Variants in HGD observed in about 807,000 individuals in gnomAD.
The protein encoded by HGD is homogentisate 1,2-dioxygenase, also known as homogentisate oxidase.
In HGD, 61 loss-of-function variants were observed where a neutral mutation model predicts 60.8. That is an observed-to-expected ratio of 1.00 (90% CI 0.82 to 1.24). HGD has a LOEUF of 1.24. HGD is among the 50% of genes most tolerant of loss of function. The pLI is 0.00. For missense variants in HGD, 542 were observed against 547.1 expected, an observed-to-expected ratio of 0.99 and a Z score of 0.09; for synonymous variants, 212 against 187.7, an observed-to-expected ratio of 1.13 and a Z score of -1.06.
chr3:120,633,086 C>A (rs546904135), intron 13 of HGD, 61 bp downstream of exon 13: 1 of 1,505,822 alleles, frequency 6.6e-7, no homozygotes, highest in Non-Finnish European at 9.2e-7. Flanking sequence ...AAAACGGCCA[C>A]CCCTCTCAGT....
At chr3:120,669,446 T>TGC (rs549495532) in intron 4 of HGD, among the ~76,000 whole-genome samples, 124 of 101,922 alleles carry the variant, frequency 1.2e-3, no homozygotes, top group African/African-American at 4.1e-3. Context: ...TGTGCGCATG[T>TGC]GCACACACAC....
chr3:120,628,804 A>G (rs982569717), intron 13 of HGD, among the ~76,000 whole-genome samples: 3 of 152,200 alleles, frequency 2.0e-5, no homozygotes, highest in Non-Finnish European at 4.4e-5. Context: ...GCTTCAAATT[A>G]TCTTCATGGT....
At chr3:120,678,210 C>T (rs1708168222) in intron 1 of HGD, among the ~76,000 whole-genome samples, 1 of 152,176 alleles carries the variant, frequency 6.6e-6, no homozygotes. Context: ...TCTGATTCTC[C>T]ACTGCATCCA....
chr3:120,647,653 G>A (rs1333530385), intron 7 of HGD, among the ~76,000 whole-genome samples: 1 of 152,204 alleles, frequency 6.6e-6, no homozygotes, highest in Non-Finnish European at 1.5e-5. Context: ...AGGTCCAGAA[G>A]AGATGGGCAA....
Position 120,641,621 on chromosome 3 carries a change from T to G in HGD, c.847A>C (p.Met283Leu). The G allele has an allele frequency of 6.2e-7, 1 of 1,613,798 alleles. No homozygotes were observed. The highest frequency in any genetic ancestry group is 8.5e-7 in the Non-Finnish European group (1 of 1,179,704). Residue 283 changes from methionine (M) to leucine (L), a missense_variant, in exon 11 of 14, where the codon ATG becomes CTG. This residue lies in a region of HGD where 537 missense variants were observed against 529.1 expected (regional missense o/e 1.01). Transcript: ENST00000283871. Reference sequence around the variant, plus strand: ...TCAAAGGCCACTGAGTTGATAACCATGAAATTCTTCAGGTTGTACTTGTAG... The same window carrying G: ...TCAAAGGCCACTGAGTTGATAACCAGGAAATTCTTCAGGTTGTACTTGTAG... The part of the protein sequence containing the change: ...TPYKYNLKNF[M>L]VINSVAFDHA...
Position 120,679,390 on chromosome 3 carries a change from T to C in HGD, c.15+2707A>G, listed in dbSNP as rs904764150. Among the ~76,000 whole-genome samples, 8 of 152,300 alleles carry C rather than the reference T, an allele frequency of 5.3e-5. No homozygotes were observed. The South Asian group carries it at 1.2e-3, about 24-fold the overall frequency. On this transcript the variant is annotated intron_variant, in intron 1 of 13. Transcript: ENST00000283871. ...CTGTGGAAAAAGAGTCTAATATTTC[T>C]AATTAACCTTGATGGGAACATAGAA...
rs2107502799 is a variant in HGD at position 120,641,676 on chromosome 3, A to G, written c.792T>C (p.Asn264=). 6.2e-7 allele frequency: 1 copy of G among 1,613,042 alleles called. No individual in the cohort carries two copies. The highest frequency in any genetic ancestry group is 8.5e-7 in the Non-Finnish European group (1 of 1,178,936). Residue 264 remains asparagine, a synonymous_variant, in exon 11 of 14, where the codon AAT becomes AAC. Transcript: ENST00000283871. ...FAAKQDVSPF[N]VVAWHGNYTP... Reference sequence around the variant, plus strand: ...TATAATTCCCGTGCCAGGCCACAACATTGAACGGGGAGACATCCTAAACAC... The same window carrying G: ...TATAATTCCCGTGCCAGGCCACAACGTTGAACGGGGAGACATCCTAAACAC...
chr3:120,655,693 T>A (rs1344468181), intron 4 of HGD, among the ~76,000 whole-genome samples: 1 of 152,232 alleles, frequency 6.6e-6, no homozygotes, highest in African/African-American at 2.4e-5. Flanking sequence ...TAAAGCCAGC[T>A]GCAGCTTTAT....
intron 3 of HGD, among the ~76,000 whole-genome samples, chr3:120,674,326 A>G (rs1166938751): frequency 6.6e-6 from 1 of 152,230 alleles, no homozygotes; most frequent in Non-Finnish European, 1.5e-5. Context: ...GTAGGATTAG[A>G]GCAAACATGG....
intron 12 of HGD, chr3:120,633,705 T>C: frequency 1.3e-6 from 1 of 776,928 alleles, no homozygotes; most frequent in Non-Finnish European, 1.9e-6. Context: ...TTATCTTATC[T>C]CCCAGATCAT....
At chr3:120,645,255 G>C (rs2107508586) in intron 9 of HGD, among the ~76,000 whole-genome samples, 1 of 152,260 alleles carries the variant, frequency 6.6e-6, no homozygotes, top group African/African-American at 2.4e-5. Flanking sequence ...AAGAGTGGGA[G>C]GTGAACAGGA....
At chr3:120,647,995 T>A (rs1941218037) in intron 6 of HGD, 84 bp from the exon 7 acceptor site, 1 of 1,121,532 alleles carries the variant, frequency 8.9e-7, no homozygotes, top group Non-Finnish European at 1.4e-6. Flanking sequence ...CATTGTTTAG[T>A]GCCTATGTAG....
At chr3:120,657,950 G>A (rs1941548244) in intron 4 of HGD, among the ~76,000 whole-genome samples, 1 of 152,078 alleles carries the variant, frequency 6.6e-6, no homozygotes, top group Non-Finnish European at 1.5e-5. Flanking sequence ...CAACAGGGAT[G>A]GTGCTAAACC....
Position 120,638,563 on chromosome 3 carries a change from C to G in HGD, c.898G>C (p.Val300Leu), listed in dbSNP as rs886905654. 3 of 1,613,838 alleles carry G rather than the reference C, an allele frequency of 1.9e-6. No individual in the cohort carries two copies. Among genetic ancestry groups the G allele is most frequent in the Admixed American group, 3.3e-5 (2 of 59,990 alleles). Residue 300 changes from valine to leucine, a missense_variant, in exon 12 of 14, where the codon GTA (valine) becomes CTA (leucine). By Grantham distance (32) the Val-to-Leu change is conservative. Transcript: ENST00000283871. Reference sequence around the variant, plus strand: ...GGGCGGACAGACTTAGCAGTCAATACTGTGAAAATGGATGGGTCCTGTGAA... The same window carrying G: ...GGGCGGACAGACTTAGCAGTCAATAGTGTGAAAATGGATGGGTCCTGTGAA... ...FDHADPSIFT[V>L]LTAKSVRPGV...
chr3:120,658,018 A>G (rs142852294), intron 4 of HGD, among the ~76,000 whole-genome samples: 5,450 of 152,244 alleles, frequency 0.036, 131 homozygotes, highest in Non-Finnish European at 0.057. Flanking sequence ...CACCTCCAAC[A>G]TTAGGGATTA....
chr3:120,664,836 T>C (rs957964591), intron 4 of HGD, among the ~76,000 whole-genome samples: 2 of 152,244 alleles, frequency 1.3e-5, no homozygotes, highest in Non-Finnish European at 2.9e-5. Context: ...CCCAAAACAT[T>C]AGAAGTTGTT....
intron 1 of HGD, among the ~76,000 whole-genome samples, chr3:120,680,605 T>G (rs867194834): frequency 2.6e-5 from 4 of 152,308 alleles, no homozygotes; most frequent in Middle Eastern, 3.4e-3. Flanking sequence ...AAAGTTTCTA[T>G]CTACTCTTTC....
intron 1 of HGD, among the ~76,000 whole-genome samples, chr3:120,681,037 T>TA (rs533376982): frequency 6.6e-5 from 10 of 152,234 alleles, no homozygotes; most frequent in African/African-American, 2.4e-4. Context: ...GGCATAAAGA[T>TA]AAAAAACCAA....
In HGD at chr3:120,633,300, G is replaced by A. The variant is rs1342717829; in HGVS notation, c.1035C>T (p.Leu345=). Residue 345 remains leucine (L), a synonymous_variant, in exon 13 of 14, where the codon CTC becomes CTT. Coordinates refer to ENST00000283871, the MANE Select transcript of HGD (RefSeq NM_000187.4). ...GCTTTGCCTCATAGTGACCTCGGAT[G>A]AGTCCCATGAACTCACTCATGCAGT... is the stretch of plus-strand genomic sequence containing the variant. ...HRNCMSEFMG[L]IRGHYEAKQG... is the part of the protein sequence containing the mutation. 6.2e-7 allele frequency: 1 copy of A among 1,614,142 alleles called. No individual in the cohort carries two copies. Among genetic ancestry groups the A allele is most frequent in the South Asian group, 1.1e-5 (1 of 91,066 alleles).
Sources: gnomAD v4.1 joint callset for allele counts (sites outside exome capture counted in the v4.1 genomes callset) on GRCh38, gnomAD v4.1.1 for gene constraint, gnomAD v4.1.1 regional missense constraint, MANE v1.5 for transcripts, NCBI Gene and HGNC (gene_info 2026-07-23, HGNC 2026-07-21) for gene names.